Variants in SEMA3A observed in about 807,000 individuals in gnomAD.
SEMA3A encodes the protein semaphorin 3A.
In SEMA3A, 29 loss-of-function variants were observed where a neutral mutation model predicts 97.9. The ratio of observed to expected loss-of-function variants is 0.30; its 90% CI spans 0.22 to 0.40. The LOEUF is 0.40. SEMA3A is among the 10% of genes least tolerant of loss of function. The pLI is 1.00. For missense variants in SEMA3A, 763 were observed against 951.3 expected (o/e 0.80, Z 2.60); for synonymous variants, 321 against 323.7 (o/e 0.99, Z 0.09).
intron 2 of SEMA3A, among the ~76,000 whole-genome samples, chr7:84,354,643 AT>A (rs1268475594): frequency 6.6e-6 from 1 of 151,628 alleles, no homozygotes; most frequent in Non-Finnish European, 1.5e-5. Flanking sequence ...CACTGCAGAA[AT>A]TTTTCTGCCT....
chr7:84,266,677 A>G (rs1437566768), intron 3 of SEMA3A, among the ~76,000 whole-genome samples: 1 of 152,108 alleles, frequency 6.6e-6, no homozygotes, highest in Non-Finnish European at 1.5e-5. Flanking sequence ...ATGGAAGGAA[A>G]TCGCTTTAGC....
intron 6 of SEMA3A, among the ~76,000 whole-genome samples, chr7:84,030,986 AGTTTT>A (rs761206307): frequency 1.6e-5 from 2 of 128,592 alleles, no homozygotes; most frequent in Non-Finnish European, 3.2e-5. Context: ...CTTTTGGTCA[AGTTTT>A]TTTTTTTTTT....
At chr7:84,285,970 CA>C (rs564063430) in intron 3 of SEMA3A, among the ~76,000 whole-genome samples, 1,423 of 70,112 alleles carry the variant, frequency 0.02, 26 homozygotes, top group East Asian at 0.14. Context: ...GACCCCATCT[CA>C]AAAAAAAAAA....
intron 1 of SEMA3A, among the ~76,000 whole-genome samples, chr7:84,438,123 A>C (rs1374546904): frequency 6.6e-6 from 1 of 152,080 alleles, no homozygotes; most frequent in Non-Finnish European, 1.5e-5. Flanking sequence ...TTTATTAATT[A>C]CAAGGAGGTT....
At chr7:84,255,196 A>G (rs1428978199) in intron 3 of SEMA3A, among the ~76,000 whole-genome samples, 1 of 152,142 alleles carries the variant, frequency 6.6e-6, no homozygotes, top group East Asian at 1.9e-4. Context: ...GCAAACAGAA[A>G]TATCAGTTAA....
chr7:84,018,904 GAAAAACAAAACAAAC>G (rs1791205999), intron 6 of SEMA3A, among the ~76,000 whole-genome samples: 1 of 151,940 alleles, frequency 6.6e-6, no homozygotes, highest in Non-Finnish European at 1.5e-5. Context: ...CTGCTGCAGA[GAAAAACAAAACAAAC>G]AAAAACAAAA....
intron 1 of SEMA3A, among the ~76,000 whole-genome samples, chr7:84,449,091 C>T (rs1451070894): frequency 1.3e-5 from 2 of 152,144 alleles, no homozygotes; most frequent in Non-Finnish European, 2.9e-5. Context: ...ACTGCATATG[C>T]AAAAGAATAA....
At chr7:84,045,166 G>A (rs532585144) in intron 6 of SEMA3A, among the ~76,000 whole-genome samples, 2 of 152,010 alleles carry the variant, frequency 1.3e-5, no homozygotes, top group South Asian at 4.1e-4. Flanking sequence ...GAAGACAGAA[G>A]GAATGAACTA....
At chr7:83,989,349 G>A (rs992406220) in intron 12 of SEMA3A, among the ~76,000 whole-genome samples, 5 of 151,556 alleles carry the variant, frequency 3.3e-5, no homozygotes. Context: ...TAAGTTTTAG[G>A]GTACATGTGC....
chr7:84,005,339 C>T lies in SEMA3A; in HGVS notation c.1360G>A (p.Asp454Asn). The T allele has an allele frequency of 6.2e-7, 1 of 1,607,606 alleles. No homozygotes were observed. Among genetic ancestry groups the T allele is most frequent in the Non-Finnish European group, 8.5e-7 (1 of 1,174,380 alleles). Residue 454 changes from aspartate (D) to asparagine (N), a missense_variant and splice_region_variant, in exon 11 of 17, where the codon GAT becomes AAT. Asp to Asn is a conservative substitution (Grantham distance 23). Coordinates refer to ENST00000265362, the MANE Select transcript of SEMA3A (RefSeq NM_006080.3). ...GQYDVMFIGT[D>N]VGTVLKVVSI... The stretch of plus-strand genomic sequence containing the variant: ...TTACAGCTGAAATTTAAAAATTTAC[C>T]TGTTCCGATAAACATAACATCATAC...
At chr7:84,439,571 A>AT (rs1805219057) in intron 1 of SEMA3A, among the ~76,000 whole-genome samples, 1 of 152,212 alleles carries the variant, frequency 6.6e-6, no homozygotes, top group African/African-American at 2.4e-5. Context: ...AAACAAATCC[A>AT]TATAAATAGA....
At chr7:84,110,307 TC>T (rs1795238346) in intron 4 of SEMA3A, among the ~76,000 whole-genome samples, 162 bp downstream of exon 4, 2 of 152,178 alleles carry the variant, frequency 1.3e-5, no homozygotes, top group Admixed American at 1.3e-4. Flanking sequence ...ATGTTCTCAT[TC>T]TTTTTGCATT....
chr7:84,405,404 A>C (rs1804051084), intron 1 of SEMA3A, among the ~76,000 whole-genome samples: 1 of 152,342 alleles, frequency 6.6e-6, no homozygotes, highest in South Asian at 2.1e-4. Context: ...GCAAGTCCTT[A>C]GTGACCTACA....
intron 3 of SEMA3A, chr7:84,307,113 CTTATAAA>C (rs1488022085): frequency 6.6e-6 from 1 of 152,022 alleles, no homozygotes; most frequent in African/African-American, 2.4e-5. Context: ...TAAAAATTAT[CTTATAAA>C]TTATATGCCA....
chr7:84,242,597 T>C lies in SEMA3A; in HGVS notation c.-82-47929A>G, dbSNP rs1356134629. ...GAGACAATTTGACTTCCTCTCTTCC[T>C]ACTTGAATACCCCTTGAATACCCTA... On this transcript the variant is annotated intron_variant, in intron 3 of 3. Coordinates refer to the SEMA3A transcript ENST00000424555. Among the ~76,000 whole-genome samples the C allele has an allele frequency of 2.6e-5, 4 of 152,156 alleles. 1 individual carries two copies. The highest frequency in any genetic ancestry group is 4.4e-5 in the Non-Finnish European group (3 of 68,024).
At chr7:84,133,402 T>C (rs1369801097) in intron 2 of SEMA3A, among the ~76,000 whole-genome samples, 1 of 152,274 alleles carries the variant, frequency 6.6e-6, no homozygotes, top group Admixed American at 6.5e-5. Context: ...AAAACTGCAT[T>C]TTATCCCAAA....
Position 84,122,768 on chromosome 7 carries a change from T to G in SEMA3A, c.333+6355A>C, listed in dbSNP as rs752356438. 2.2e-4 allele frequency among the ~76,000 whole-genome samples: 33 copies of G among 152,188 alleles called. 1 individual carries two copies. The highest frequency in any genetic ancestry group is 4.0e-4 in the Non-Finnish European group (27 of 68,022). On this transcript the variant is annotated intron_variant, in intron 3 of 16. Coordinates refer to ENST00000265362, the MANE Select transcript of SEMA3A (RefSeq NM_006080.3). ...GTGCAGCTTTAAATTCTCATTGCAT[T>G]CACTTGGCAAAAATTAGTGCTATTG...
chr7:84,019,740 G>A (rs2116435967), intron 6 of SEMA3A, among the ~76,000 whole-genome samples: 1 of 151,206 alleles, frequency 6.6e-6, no homozygotes, highest in Non-Finnish European at 1.5e-5. Flanking sequence ...AAAAAAAATA[G>A]ATTTGTATAC....
At chr7:84,162,838 C>T (rs73179366) in intron 1 of SEMA3A, among the ~76,000 whole-genome samples, 18,682 of 151,996 alleles carry the variant, frequency 0.12, 1,218 homozygotes, top group Middle Eastern at 0.17. Context: ...AGTAGAGAGG[C>T]ACAATTAAGC....
Sources: allele counts gnomAD v4.1 joint callset (sites outside exome capture counted in the v4.1 genomes callset), GRCh38; gene constraint gnomAD v4.1.1; transcripts MANE v1.5; gene names NCBI Gene and HGNC (gene_info 2026-07-23, HGNC 2026-07-21).